The following SLC22A11 variants were observed in gnomAD, a reference collection of about 807,000 sequenced individuals.
The protein encoded by SLC22A11 is solute carrier family 22 member 11.
SLC22A11 carries 42 observed loss-of-function variants against 49.4 expected under a neutral mutation model. That is an observed-to-expected ratio of 0.85 (90% CI 0.66 to 1.10). SLC22A11 has a LOEUF of 1.10. Among genes scored for constraint, SLC22A11 ranks in the 50% least tolerant of loss-of-function variants. The pLI is 0.00. For missense variants in SLC22A11, 685 were observed against 731.6 expected (o/e 0.94, Z 0.74); for synonymous variants, 304 against 315.8 (o/e 0.96, Z 0.40).
At chr11:64,570,925 C>G in intron 9 of SLC22A11, 54 bp from the exon 10 acceptor site, 2 of 1,596,456 alleles carry the variant, frequency 1.3e-6, no homozygotes, top group Non-Finnish European at 1.7e-6. Flanking sequence ...GCCCCAAGCT[C>G]CGAGTACATA....
chr11:64,568,260 C>G (rs1445981591), intron 7 of SLC22A11, among the ~76,000 whole-genome samples: 1 of 152,218 alleles, frequency 6.6e-6, no homozygotes, highest in Non-Finnish European at 1.5e-5. Context: ...GCCCGGACCT[C>G]CGCCTCCAGG....
intron 8 of SLC22A11, 118 bp downstream of exon 8, chr11:64,568,896 C>G (rs2038666774): frequency 9.9e-6 from 8 of 806,656 alleles, no homozygotes; most frequent in Admixed American, 6.0e-5. Flanking sequence ...CAGGGTCCCC[C>G]CCAGGACAGC....
chr11:64,570,949 A>C lies in SLC22A11; in HGVS notation c.1590-30A>C, dbSNP rs1465089007. ...TCCGAGTACATACCCACTTCACCAC[A>C]TGGCACTGCTTTTCTTTGGATTATT... On this transcript the variant is annotated intron_variant, in intron 9 of 9. Coordinates refer to ENST00000301891, the MANE Select transcript of SLC22A11 (RefSeq NM_018484.4). The C allele has an allele frequency of 1.9e-6, 3 of 1,613,610 alleles. No individual in the cohort carries two copies. In the Admixed American group the frequency reaches 5.0e-5, roughly 27 times the overall value.
intron 1 of SLC22A11, among the ~76,000 whole-genome samples, chr11:64,557,905 C>T (rs566934606): frequency 6.6e-6 from 1 of 151,316 alleles, no homozygotes; most frequent in Admixed American, 6.6e-5. Context: ...CCAAGCGATT[C>T]TCCAGCCTCA....
At chr11:64,561,634 T>TATTTATTC (rs1554983293) in intron 2 of SLC22A11, among the ~76,000 whole-genome samples, 2 of 150,392 alleles carry the variant, frequency 1.3e-5, no homozygotes, top group Non-Finnish European at 3.0e-5. Flanking sequence ...TTTATTTATT[T>TATTTATTC]ATTTATTTAT....
intron 9 of SLC22A11, among the ~76,000 whole-genome samples, chr11:64,570,458 T>C (rs2038688081): frequency 6.6e-6 from 1 of 152,188 alleles, no homozygotes; most frequent in Admixed American, 6.5e-5. Context: ...CCAGCCTGGC[T>C]CACAGAGTTG....
intron 7 of SLC22A11, among the ~76,000 whole-genome samples, chr11:64,568,109 G>C (rs2135426268): frequency 6.6e-6 from 1 of 152,376 alleles, no homozygotes; most frequent in East Asian, 1.9e-4. Flanking sequence ...GAGGCGGCCG[G>C]GGCCCTGCAG....
chr11:64,560,385 G>T (rs2038526618), intron 2 of SLC22A11, among the ~76,000 whole-genome samples: 2 of 151,974 alleles, frequency 1.3e-5, no homozygotes, highest in South Asian at 2.1e-4. Flanking sequence ...GTCCTCCGAG[G>T]GCCCCACTGC....
At chr11:64,558,516 A>T (rs920364593) in intron 1 of SLC22A11, among the ~76,000 whole-genome samples, 1 of 152,144 alleles carries the variant, frequency 6.6e-6, no homozygotes, top group African/African-American at 2.4e-5. Flanking sequence ...AAGCCACTGT[A>T]AAAATCCCAG....
At position 64,564,384 on chromosome 11, in the gene SLC22A11, G is replaced by T. The variant is rs757622163; in HGVS notation, c.898G>T (p.Ala300Ser). The T allele has an allele frequency of 6.2e-7, 1 of 1,614,116 alleles. No homozygotes were observed. The highest frequency in any genetic ancestry group is 1.7e-5 in the Admixed American group (1 of 60,016). ...DQALQELRKVARINGHKEAKN... is the reference protein window; with the variant it reads ...DQALQELRKVSRINGHKEAKN... Reference sequence around the variant, plus strand: ...AGCACTTCAGGAGCTCAGAAAGGTGGCCAGGATAAATGGCCACAAGGAGGC... The same window carrying T: ...AGCACTTCAGGAGCTCAGAAAGGTGTCCAGGATAAATGGCCACAAGGAGGC... Residue 300 changes from alanine to serine, a missense_variant, in exon 5 of 10, where the codon GCC (alanine) becomes TCC (serine). Ala to Ser is a moderately conservative substitution (Grantham distance 99). Coordinates refer to ENST00000301891, the MANE Select transcript of SLC22A11 (RefSeq NM_018484.4). This position sits in a 1 kb window ranked among gnomAD's most constrained non-coding sequence, Gnocchi z 4.2.
At chr11:64,570,739 T>C (rs1205478459) in intron 9 of SLC22A11, among the ~76,000 whole-genome samples, 2 of 152,220 alleles carry the variant, frequency 1.3e-5, no homozygotes, top group African/African-American at 2.4e-5. Context: ...TTATATAACT[T>C]GCCTAAGGAC....
Position 64,567,776 on chromosome 11 carries a change from C to T in SLC22A11, c.1236C>T (p.Ala412=), listed in dbSNP as rs1331636739. 3 of 1,610,058 alleles carry T rather than the reference C, an allele frequency of 1.9e-6. No individual in the cohort carries two copies. The highest frequency in any genetic ancestry group is 2.2e-5 in the East Asian group (1 of 44,810). Reference sequence around the variant, plus strand: ...TCCAGGCGGGTTCCCAGGCCATGGCCGGCCTCGCCATTCTAGCCAACATGC... The same window carrying T: ...TCCAGGCGGGTTCCCAGGCCATGGCTGGCCTCGCCATTCTAGCCAACATGC... ...RTIQAGSQAM[A]GLAILANMLV... is the part of the protein sequence containing the mutation. Residue 412 remains alanine (A), a synonymous_variant, in exon 7 of 10, where the codon GCC becomes GCT. Transcript: ENST00000301891.
At position 64,568,420 on chromosome 11, in the gene SLC22A11, G is replaced by A. The variant is rs574207734; in HGVS notation, c.1274-250G>A. On this transcript the variant is annotated intron_variant, in intron 7 of 9. Coordinates refer to ENST00000301891, the MANE Select transcript of SLC22A11 (RefSeq NM_018484.4). ...GGCATTCTTTCAGTGCAGCCTCCAC[G>A]GCCGGCCAGGCTCAGCTACCCTAGA... Among the ~76,000 whole-genome samples, 5 of 152,330 alleles carry A rather than the reference G, an allele frequency of 3.3e-5. No homozygotes were observed. In the East Asian group the frequency reaches 5.8e-4, roughly 18 times the overall value.
In SLC22A11 at chr11:64,556,344, C is replaced by T. The variant is rs531709254; in HGVS notation, c.345C>T (p.Asp115=). 82 of 1,612,902 alleles carry T rather than the reference C, an allele frequency of 5.1e-5. No individual in the cohort carries two copies. The highest frequency in any genetic ancestry group is 6.5e-5 in the Non-Finnish European group (77 of 1,180,032). Reference sequence around the variant, plus strand: ...AAGCTGACACGGAGCCGTGTGTGGACGGCTGGGTCTATGACCGCAGCGTCT... The same window carrying T: ...AAGCTGACACGGAGCCGTGTGTGGATGGCTGGGTCTATGACCGCAGCGTCT... The part of the protein sequence containing the change: ...WSEADTEPCV[D]GWVYDRSVFT... The change falls in exon 1 of 10, where the codon GAC becomes GAT. Residue 115 remains aspartate (D), a synonymous_variant. Transcript: ENST00000301891.
chr11:64,562,288 G>A lies in SLC22A11; in HGVS notation c.674G>A (p.Ser225Asn). The change falls in exon 4 of 10, where the codon AGC (serine) becomes AAC (asparagine). Residue 225 changes from serine (S) to asparagine (N), a missense_variant. Coordinates refer to ENST00000301891, the MANE Select transcript of SLC22A11 (RefSeq NM_018484.4). This position sits in a 1 kb window ranked among gnomAD's most constrained non-coding sequence, Gnocchi z 4.4. ...LTLMVEWTTT[S>N]RRAVTMTVVG... ...TCAGTGGTGGAGTGGACCACGACCA[G>A]CAGGAGGGCGGTCACCATGACGGTG... 6.2e-7 allele frequency: 1 copy of A among 1,607,202 alleles called. No individual in the cohort carries two copies. The highest frequency in any genetic ancestry group is 1.1e-5 in the South Asian group (1 of 90,664).
At chr11:64,560,921 C>A (rs1160214356) in intron 2 of SLC22A11, among the ~76,000 whole-genome samples, 3 of 152,338 alleles carry the variant, frequency 2.0e-5, no homozygotes, top group South Asian at 2.1e-4. Flanking sequence ...CAAGGTAGAT[C>A]TCTTCCCTTC....
At position 64,565,044 on chromosome 11, in the gene SLC22A11, C is replaced by T. The variant is rs534081272; in HGVS notation, c.943-178C>T. On this transcript the variant is annotated intron_variant, in intron 5 of 9. Coordinates refer to ENST00000301891, the MANE Select transcript of SLC22A11 (RefSeq NM_018484.4). The surrounding 1 kb of genome is among the most constrained non-coding windows in gnomAD (Gnocchi z 4.1). Reference sequence around the variant, plus strand: ...AGTCAAACCTGCAGAAGAGCCAGGGCCTGGAGAGAACCTTTTCTGCCCCAT... The same window carrying T: ...AGTCAAACCTGCAGAAGAGCCAGGGTCTGGAGAGAACCTTTTCTGCCCCAT... 1.5e-4 allele frequency among the ~76,000 whole-genome samples: 23 copies of T among 152,274 alleles called. No homozygotes were observed. Among genetic ancestry groups the T allele is most frequent in the African/African-American group, 5.5e-4 (23 of 41,576 alleles).
intron 1 of SLC22A11, among the ~76,000 whole-genome samples, chr11:64,558,851 C>T (rs1417726845): frequency 6.6e-6 from 1 of 152,212 alleles, no homozygotes; most frequent in African/African-American, 2.4e-5. Flanking sequence ...TCTGCCCCTT[C>T]AAGGCCCTGC....
chr11:64,567,936 G>T, intron 7 of SLC22A11, 123 bp downstream of exon 7: 2 of 1,054,608 alleles, frequency 1.9e-6, no homozygotes, highest in Non-Finnish European at 2.7e-6. Context: ...CTTTCTGAAT[G>T]AGGGAGGCTA....
Sources: gnomAD v4.1 joint callset for allele counts (sites outside exome capture counted in the v4.1 genomes callset) on GRCh38, gnomAD v4.1.1 for gene constraint, Gnocchi (gnomAD v3.1) non-coding constraint, MANE v1.5 for transcripts, NCBI Gene and HGNC (gene_info 2026-07-23, HGNC 2026-07-21) for gene names.